The following CCDC73 variants were observed in gnomAD, a reference collection of about 807,000 sequenced individuals.
CCDC73 encodes coiled-coil domain-containing protein 73.
A neutral mutation model predicts 116.5 loss-of-function variants in CCDC73; 95 were observed. The ratio of observed to expected loss-of-function variants is 0.82; its 90% CI spans 0.69 to 0.97. CCDC73 has a LOEUF of 0.97. CCDC73 is among the 50% of genes least tolerant of loss of function. The probability of loss-of-function intolerance (pLI) is 0.00; values close to 1 mark genes in which losing one functional copy is unlikely to be tolerated. For synonymous variants in CCDC73, 398 were observed against 401.3 expected, an observed-to-expected ratio of 0.99 and a Z score of 0.10; for missense variants, 1,066 against 1,206.8, an observed-to-expected ratio of 0.88 and a Z score of 1.73.
Position 32,613,707 on chromosome 11 carries a change from T to C in CCDC73, c.2611A>G (p.Ile871Val), listed in dbSNP as rs780788128. 6.2e-7 allele frequency: 1 copy of C among 1,614,116 alleles called. No individual in the cohort carries two copies. The highest frequency in any genetic ancestry group is 8.5e-7 in the Non-Finnish European group (1 of 1,179,998). The change falls in exon 16 of 18, where the codon ATA (isoleucine) becomes GTA (valine). Residue 871 changes from isoleucine (I) to valine (V), a missense_variant. Ile to Val is a conservative substitution (Grantham distance 29). Transcript: ENST00000335185. The stretch of plus-strand genomic sequence containing the variant: ...TTTACTAAATCTCCAGATGGCTCTA[T>C]GTGAAATGAATGTGATTCCTCCAGC... ...GQLEESHSFH[I>V]EPSGDLVNRS...
intron 17 of CCDC73, among the ~76,000 whole-genome samples, chr11:32,608,969 C>A (rs903687668): frequency 2.0e-5 from 3 of 152,128 alleles, no homozygotes; most frequent in African/African-American, 7.2e-5. Flanking sequence ...CCCTAAGCTG[C>A]ACACAGCACG....
chr11:32,790,157 TA>T (rs1277777862), intron 1 of CCDC73, among the ~76,000 whole-genome samples: 1 of 152,220 alleles, frequency 6.6e-6, no homozygotes, highest in Non-Finnish European at 1.5e-5. Flanking sequence ...GGGGGTCTTT[TA>T]TGTTATGTTA....
At chr11:32,711,167 AG>A (rs1316098332) in intron 3 of CCDC73, among the ~76,000 whole-genome samples, 1 of 152,180 alleles carries the variant, frequency 6.6e-6, no homozygotes, top group Non-Finnish European at 1.5e-5. Flanking sequence ...AGGTGGTAAA[AG>A]GGAACACTTT....
At chr11:32,606,806 C>CTTTTTTT (rs10591021) in intron 17 of CCDC73, among the ~76,000 whole-genome samples, 1 of 101,062 alleles carries the variant, frequency 9.9e-6, no homozygotes, top group East Asian at 2.5e-4. Flanking sequence ...AAAATAAATT[C>CTTTTTTT]TTTTTTTTTT....
chr11:32,785,542 T>C (rs1033381962), intron 1 of CCDC73, among the ~76,000 whole-genome samples: 19 of 152,170 alleles, frequency 1.2e-4, no homozygotes, highest in African/African-American at 4.1e-4. Flanking sequence ...GCTGGGACTG[T>C]AGGCATGTGT....
intron 14 of CCDC73, among the ~76,000 whole-genome samples, chr11:32,634,883 A>T (rs897342994): frequency 6.6e-6 from 1 of 152,222 alleles, no homozygotes; most frequent in African/African-American, 2.4e-5. Flanking sequence ...GCTACTCAGA[A>T]GCCTGAAGTG....
At chr11:32,731,202 GCAA>G (rs1198388632) in intron 2 of CCDC73, among the ~76,000 whole-genome samples, 1 of 152,198 alleles carries the variant, frequency 6.6e-6, no homozygotes, top group Non-Finnish European at 1.5e-5. Flanking sequence ...AGATCAAACT[GCAA>G]GGTGGCAGCG....
intron 2 of CCDC73, among the ~76,000 whole-genome samples, chr11:32,755,568 T>C (rs1449199395): frequency 7.4e-6 from 1 of 134,706 alleles, no homozygotes; most frequent in Non-Finnish European, 1.6e-5. Context: ...TATATGTACA[T>C]ATATATCCAT....
chr11:32,780,468 C>A (rs1850573299), intron 1 of CCDC73, among the ~76,000 whole-genome samples: 1 of 151,974 alleles, frequency 6.6e-6, no homozygotes, highest in African/African-American at 2.4e-5. Flanking sequence ...AAAAGTCATA[C>A]ACTATTCTAT....
chr11:32,829,685 C>T, the CCDC73 span: 1 of 803,676 alleles, frequency 1.2e-6, no homozygotes, highest in Non-Finnish European at 1.5e-6. Context: ...GAATTAGGAT[C>T]ATTGAGAACG....
At chr11:32,785,465 G>C (rs892343911) in intron 1 of CCDC73, among the ~76,000 whole-genome samples, 2 of 152,060 alleles carry the variant, frequency 1.3e-5, no homozygotes, top group African/African-American at 4.8e-5. Context: ...GCAGTGGCGT[G>C]ATCACAGCTC....
intron 6 of CCDC73, among the ~76,000 whole-genome samples, chr11:32,693,235 C>A (rs909556254): frequency 8.5e-5 from 13 of 152,188 alleles, no homozygotes; most frequent in African/African-American, 1.4e-4. Context: ...AAGTAACTAG[C>A]AAACTAAAGG....
At chr11:32,665,416 CCTT>C (rs1855971207) in intron 9 of CCDC73, among the ~76,000 whole-genome samples, 3 of 152,110 alleles carry the variant, frequency 2.0e-5, no homozygotes, top group Admixed American at 2.0e-4. Flanking sequence ...TATGTAATGG[CCTT>C]CTTTGTCCCT....
chr11:32,662,532 G>GC (rs542264897), intron 9 of CCDC73, among the ~76,000 whole-genome samples: 2,775 of 148,978 alleles, frequency 0.019, 48 homozygotes, highest in Non-Finnish European at 0.029. Context: ...TGATGGGGTT[G>GC]TTTTTTTTTT....
At chr11:32,604,213 C>T (rs1220139387) in intron 17 of CCDC73, 3 of 152,234 alleles carry the variant, frequency 2.0e-5, no homozygotes, top group Non-Finnish European at 2.9e-5. Context: ...GCCTTGACCT[C>T]CCTGGATTCA....
At chr11:32,702,799 G>T in intron 4 of CCDC73, 74 bp downstream of exon 4, 1 of 994,266 alleles carries the variant, frequency 1.0e-6, no homozygotes, top group Non-Finnish European at 1.6e-6. Flanking sequence ...AGAACAGCTT[G>T]CCATAATATT....
intron 6 of CCDC73, 126 bp downstream of exon 6, chr11:32,699,125 A>G (rs1849786662): frequency 2.0e-6 from 2 of 1,023,358 alleles, no homozygotes; most frequent in East Asian, 9.1e-5. Flanking sequence ...AAAGTATTAA[A>G]TTATGTAATA....
intron 2 of CCDC73, among the ~76,000 whole-genome samples, chr11:32,746,297 T>C (rs957948180): frequency 1.2e-4 from 19 of 152,240 alleles, no homozygotes; most frequent in African/African-American, 4.6e-4. Context: ...AGAGATCTGC[T>C]GTTAGTCTGA....
At chr11:32,717,932 A>C in intron 3 of CCDC73, 144 bp downstream of exon 3, 1 of 554,602 alleles carries the variant, frequency 1.8e-6, no homozygotes, top group Admixed American at 3.7e-5. Context: ...ATCTCATGAG[A>C]ACTATCAGGA....
Sources: gnomAD v4.1 joint callset for allele counts (sites outside exome capture counted in the v4.1 genomes callset) on GRCh38, gnomAD v4.1.1 for gene constraint, MANE v1.5 for transcripts, NCBI Gene and HGNC (gene_info 2026-07-23, HGNC 2026-07-21) for gene names.